Variants in LRRC4C observed in about 807,000 individuals in gnomAD.
LRRC4C encodes the protein leucine-rich repeat-containing protein 4C.
LRRC4C carries 5 observed loss-of-function variants against 33.6 expected under a neutral mutation model. The ratio of observed to expected loss-of-function variants is 0.15; its 90% CI spans 0.08 to 0.31. The LOEUF is 0.31. Ranked by LOEUF, LRRC4C falls within the 10% of genes least tolerant of loss-of-function variation. LRRC4C has a pLI of 1.00. For synonymous variants in LRRC4C, 329 were observed against 302.0 expected (o/e 1.09, Z -0.93); for missense variants, 560 against 796.7 (o/e 0.70, Z 3.58).
chr11:40,198,412 C>T (rs930697381), intron 5 of LRRC4C, among the ~76,000 whole-genome samples: 4 of 152,160 alleles, frequency 2.6e-5, no homozygotes, highest in Admixed American at 2.0e-4. Flanking sequence ...TTTCCCTCCT[C>T]GATTAACAAT....
chr11:41,253,008 A>T (rs995399300), intron 1 of LRRC4C, among the ~76,000 whole-genome samples: 2 of 152,130 alleles, frequency 1.3e-5, no homozygotes, highest in South Asian at 4.1e-4. Context: ...CAGCCAAACC[A>T]TATCATTAGG....
chr11:40,410,039 T>C (rs1283522338), intron 3 of LRRC4C, among the ~76,000 whole-genome samples: 14 of 152,062 alleles, frequency 9.2e-5, no homozygotes, highest in Non-Finnish European at 1.9e-4. Flanking sequence ...AAAGTTTTAT[T>C]GGAACACAGC....
At chr11:40,250,507 A>G (rs1287593650) in intron 4 of LRRC4C, among the ~76,000 whole-genome samples, 2 of 151,854 alleles carry the variant, frequency 1.3e-5, no homozygotes, top group Non-Finnish European at 2.9e-5. Flanking sequence ...TGGGAGGTCA[A>G]GTAGGGTGGG....
At chr11:40,982,665 T>A (rs1047131772) in intron 1 of LRRC4C, among the ~76,000 whole-genome samples, 75 of 152,150 alleles carry the variant, frequency 4.9e-4, no homozygotes, top group Non-Finnish European at 8.8e-4. Flanking sequence ...CTTTTTTTTT[T>A]AAACCTTCAT....
At chr11:41,116,903 C>A (rs1942161084) in intron 1 of LRRC4C, among the ~76,000 whole-genome samples, 1 of 152,146 alleles carries the variant, frequency 6.6e-6, no homozygotes, top group Non-Finnish European at 1.5e-5. Flanking sequence ...TTATCCCACA[C>A]ACCCTCACCA....
intron 1 of LRRC4C, among the ~76,000 whole-genome samples, chr11:41,391,460 A>G (rs1183761247): frequency 2.0e-5 from 3 of 151,748 alleles, no homozygotes; most frequent in Non-Finnish European, 2.9e-5. Context: ...GGAATACAGG[A>G]AAAAAAATGA....
intron 1 of LRRC4C, among the ~76,000 whole-genome samples, chr11:41,084,779 G>A (rs1013605193): frequency 1.3e-5 from 2 of 152,142 alleles, no homozygotes; most frequent in African/African-American, 4.8e-5. Context: ...AACCCGGAAG[G>A]TGGAGGTTGC....
At chr11:40,801,281 A>G (rs1229764452) in intron 2 of LRRC4C, among the ~76,000 whole-genome samples, 1 of 152,140 alleles carries the variant, frequency 6.6e-6, no homozygotes, top group Non-Finnish European at 1.5e-5. Context: ...ACCTGGGTAT[A>G]TTTGCCATTC....
chr11:40,872,822 A>T (rs1177819250), intron 2 of LRRC4C, among the ~76,000 whole-genome samples: 1 of 152,210 alleles, frequency 6.6e-6, no homozygotes, highest in African/African-American at 2.4e-5. Context: ...TCACAGAATT[A>T]TCTTGCTTTA....
At chr11:41,109,105 T>C (rs1941680192) in intron 1 of LRRC4C, among the ~76,000 whole-genome samples, 1 of 152,114 alleles carries the variant, frequency 6.6e-6, no homozygotes, top group Non-Finnish European at 1.5e-5. Context: ...CTAACTGATA[T>C]ATTTCCTTGT....
At chr11:40,819,408 C>T (rs192833897) in intron 2 of LRRC4C, among the ~76,000 whole-genome samples, 11 of 152,218 alleles carry the variant, frequency 7.2e-5, no homozygotes, top group Admixed American at 2.6e-4. Context: ...TGCTACTTCC[C>T]CACTTCCACC....
chr11:41,269,874 G>A (rs181671708), intron 1 of LRRC4C, among the ~76,000 whole-genome samples: 5 of 152,156 alleles, frequency 3.3e-5, no homozygotes, highest in African/African-American at 7.2e-5. Context: ...AATCATTTTA[G>A]CAGGGTTGTG....
chr11:41,060,549 T>C (rs1370471177), intron 1 of LRRC4C, among the ~76,000 whole-genome samples: 1 of 152,176 alleles, frequency 6.6e-6, no homozygotes, highest in Non-Finnish European at 1.5e-5. Flanking sequence ...GAGAAAATTA[T>C]CTGGTTTCTC....
At chr11:40,678,664 AT>A (rs1269261169) in intron 2 of LRRC4C, among the ~76,000 whole-genome samples, 2 of 152,008 alleles carry the variant, frequency 1.3e-5, no homozygotes, top group Non-Finnish European at 2.9e-5. Flanking sequence ...ATAAAGGGTA[AT>A]TCCCCTGCAC....
intron 1 of LRRC4C, among the ~76,000 whole-genome samples, chr11:40,943,546 G>A (rs981267107): frequency 6.6e-6 from 1 of 152,276 alleles, no homozygotes; most frequent in East Asian, 1.9e-4. Flanking sequence ...AAACCAAACT[G>A]CCTGGTTTGC....
intron 1 of LRRC4C, among the ~76,000 whole-genome samples, chr11:41,349,213 A>T (rs1273602017): frequency 6.6e-6 from 1 of 152,138 alleles, no homozygotes; most frequent in Non-Finnish European, 1.5e-5. Flanking sequence ...CTTATCTAAT[A>T]GCCAGAGAAC....
intron 5 of LRRC4C, among the ~76,000 whole-genome samples, chr11:40,217,041 A>G (rs1306497877): frequency 6.6e-6 from 1 of 152,206 alleles, no homozygotes; most frequent in Non-Finnish European, 1.5e-5. Context: ...AGTGAAGACT[A>G]AAATTTAAGA....
At chr11:41,278,174 A>G (rs1949543323) in intron 1 of LRRC4C, among the ~76,000 whole-genome samples, 1 of 152,212 alleles carries the variant, frequency 6.6e-6, no homozygotes. Flanking sequence ...TATGTGAAGA[A>G]AGTGTATATT....
At chr11:40,755,463 A>G (rs1948902978) in intron 2 of LRRC4C, among the ~76,000 whole-genome samples, 1 of 152,102 alleles carries the variant, frequency 6.6e-6, no homozygotes, top group Admixed American at 6.6e-5. Flanking sequence ...TGAGCGGTGT[A>G]TATCTGAAGA....
Sources: gnomAD v4.1 joint callset for allele counts (sites outside exome capture counted in the v4.1 genomes callset) on GRCh38, gnomAD v4.1.1 for gene constraint, MANE v1.5 for transcripts, NCBI Gene and HGNC (gene_info 2026-07-23, HGNC 2026-07-21) for gene names.